ATP2B4: variants seen among roughly 807,000 people sequenced by gnomAD.
The protein encoded by ATP2B4 is plasma membrane calcium-transporting ATPase 4.
In ATP2B4, 39 loss-of-function variants were observed where a neutral mutation model predicts 110.3. The observed-to-expected ratio is 0.35, with a 90% confidence interval of 0.27 to 0.46. The LOEUF (loss-of-function observed/expected upper bound fraction) is 0.46, where lower values mean the gene tolerates loss of function less well. ATP2B4 is among the 20% of genes least tolerant of loss of function. ATP2B4 has a pLI of 1.00. For synonymous variants in ATP2B4, 538 were observed against 571.7 expected (o/e 0.94, Z 0.84); for missense variants, 1,135 against 1,530.9 (o/e 0.74, Z 4.32).
rs1225852333 is a variant in ATP2B4, at chr1:203,740,708, A to G, written c.*854A>G. The G allele has an allele frequency of 1.3e-5, 2 of 152,258 alleles. No individual in the cohort carries two copies. Among genetic ancestry groups the G allele is most frequent in the African/African-American group, 2.4e-5 (1 of 41,450 alleles). The allele number at this position is 152,258 out of a possible 1,614,324, so 9.4% of individuals were successfully genotyped here. On this transcript the variant is annotated 3_prime_UTR_variant, in exon 21 of 21. Coordinates refer to ENST00000357681, the MANE Select transcript of ATP2B4 (RefSeq NM_001684.5). ...AGTGCCAGGGAGATCAGCCTTGCCC[A>G]TGAAGGTTGCATATGTGTGGTATAC...
intron 1 of ATP2B4, among the ~76,000 whole-genome samples, chr1:203,630,226 G>A (rs985464545): frequency 6.6e-6 from 1 of 152,126 alleles, no homozygotes; most frequent in Admixed American, 6.5e-5. Flanking sequence ...CCACTAACCG[G>A]AGGTCCCGAG....
At position 203,674,298 on chromosome 1, in the gene ATP2B4, C is replaced by G. The variant is rs538447779; in HGVS notation, c.-464-8444C>G. 1.4e-4 allele frequency among the ~76,000 whole-genome samples: 22 copies of G among 152,250 alleles called. No individual in the cohort carries two copies. In the East Asian group the frequency reaches 4.1e-3, roughly 28 times the overall value. On this transcript the variant is annotated intron_variant, in intron 1 of 20. Transcript: ENST00000357681. ...CAACTGAAGGAAATGGTGAGCGCTG[C>G]TGTTTCATCCTCTACATTTTTTTGA...
chr1:203,646,699 G>A (rs544964291), intron 1 of ATP2B4, among the ~76,000 whole-genome samples: 1 of 152,072 alleles, frequency 6.6e-6, no homozygotes, highest in East Asian at 1.9e-4. Flanking sequence ...GGAGGCGGAG[G>A]TTACAGTGAG....
intron 4 of ATP2B4, 24 bp from the exon 5 acceptor site, chr1:203,700,182 C>G (rs1191229055): frequency 1.2e-6 from 2 of 1,605,890 alleles, no homozygotes; most frequent in Non-Finnish European, 1.7e-6. Flanking sequence ...CCTTCACTGT[C>G]CCTCCTTCCC....
intron 1 of ATP2B4, among the ~76,000 whole-genome samples, chr1:203,631,480 G>T (rs1189681357): frequency 6.6e-6 from 1 of 152,172 alleles, no homozygotes; most frequent in Non-Finnish European, 1.5e-5. Context: ...GAAGGTCAGG[G>T]ACTCTCAGCT....
At chr1:203,695,048 G>C (rs888455966) in intron 2 of ATP2B4, among the ~76,000 whole-genome samples, 18 of 152,136 alleles carry the variant, frequency 1.2e-4, no homozygotes, top group African/African-American at 4.1e-4. Context: ...GGGAGGGAGG[G>C]TTTCATTAGG....
chr1:203,698,501 T>A, intron 3 of ATP2B4, 147 bp downstream of exon 3: 1 of 806,838 alleles, frequency 1.2e-6, no homozygotes, highest in Non-Finnish European at 1.9e-6. Flanking sequence ...AACCAAGCAG[T>A]AGCTACTAAG....
chr1:203,707,803 C>A, intron 9 of ATP2B4, 59 bp from the exon 10 acceptor site: 3 of 1,593,966 alleles, frequency 1.9e-6, no homozygotes, highest in Middle Eastern at 4.0e-4. Context: ...GGCCTTTGAC[C>A]TAGATTTAGG....
chr1:203,703,539 G>C, intron 7 of ATP2B4, 113 bp from the exon 8 acceptor site: 1 of 1,257,942 alleles, frequency 7.9e-7, no homozygotes. Context: ...CTGATGTCAG[G>C]GTCCAAGGTA....
At chr1:203,650,642 C>T (rs896556598) in intron 1 of ATP2B4, among the ~76,000 whole-genome samples, 5 of 152,120 alleles carry the variant, frequency 3.3e-5, no homozygotes, top group Non-Finnish European at 5.9e-5. Flanking sequence ...TCGGCCGGCC[C>T]GGGGCGAGGG....
chr1:203,736,172 G>C (rs1274542353), intron 20 of ATP2B4, among the ~76,000 whole-genome samples: 2 of 152,172 alleles, frequency 1.3e-5, no homozygotes, highest in Admixed American at 6.5e-5. Flanking sequence ...TTTCTGAAAA[G>C]AGCAGAAAAC....
chr1:203,712,436 C>CA (rs1666039542), intron 13 of ATP2B4, among the ~76,000 whole-genome samples: 1 of 151,916 alleles, frequency 6.6e-6, no homozygotes, highest in Non-Finnish European at 1.5e-5. Flanking sequence ...ACCAAAAATA[C>CA]AAAAATTAGC....
chr1:203,729,485 C>T (rs976242380), intron 20 of ATP2B4: 7 of 369,672 alleles, frequency 1.9e-5, no homozygotes, highest in Non-Finnish European at 2.6e-5. Flanking sequence ...GCTGAGGTTG[C>T]AGTGAGCTGA....
rs778690170 is a variant in ATP2B4 at position 203,710,965 on chromosome 1, A to T, written c.1888A>T (p.Met630Leu). Reference protein sequence around the residue: ...DDMVRTVIEPMACDGLRTICI... With the variant: ...DDMVRTVIEPLACDGLRTICI... ...TATGGTACGCACTGTCATCGAGCCC[A>T]TGGCCTGTGATGGACTCCGGACTAT... Residue 630 changes from methionine to leucine, a missense_variant, in exon 12 of 21, where the codon ATG becomes TTG. Transcript: ENST00000357681. 6.2e-7 allele frequency: 1 copy of T among 1,614,136 alleles called. No individual in the cohort carries two copies. The highest frequency in any genetic ancestry group is 8.5e-7 in the Non-Finnish European group (1 of 1,180,008).
At chr1:203,678,924 C>T (rs944429084) in intron 1 of ATP2B4, among the ~76,000 whole-genome samples, 2 of 152,150 alleles carry the variant, frequency 1.3e-5, no homozygotes, top group Non-Finnish European at 2.9e-5. Context: ...AATGCTTTCA[C>T]ACGTCATCTA....
intron 14 of ATP2B4, among the ~76,000 whole-genome samples, chr1:203,713,528 A>C (rs1056389348): frequency 6.6e-6 from 1 of 151,888 alleles, no homozygotes; most frequent in African/African-American, 2.4e-5. Flanking sequence ...GGAGTGGTGC[A>C]ATCTCAGCTC....
chr1:203,703,160 C>T (rs1665742747), intron 7 of ATP2B4, among the ~76,000 whole-genome samples: 1 of 130,990 alleles, frequency 7.6e-6, no homozygotes, highest in Non-Finnish European at 1.6e-5. Context: ...TCTTCCCTGA[C>T]AATCGAGAGA....
At chr1:203,680,060 CAAAAAAA>C (rs71145014) in intron 1 of ATP2B4, among the ~76,000 whole-genome samples, 2 of 120,654 alleles carry the variant, frequency 1.7e-5, no homozygotes, top group South Asian at 2.7e-4. Context: ...GACTCTTTCT[CAAAAAAA>C]AAAAAAAAAA....
intron 1 of ATP2B4, among the ~76,000 whole-genome samples, chr1:203,680,929 A>G (rs1427000034): frequency 6.6e-6 from 1 of 152,214 alleles, no homozygotes; most frequent in African/African-American, 2.4e-5. Flanking sequence ...TCCTCTTGAA[A>G]GGTTAAGGAG....
Sources: allele counts gnomAD v4.1 joint callset (sites outside exome capture counted in the v4.1 genomes callset), GRCh38; gene constraint gnomAD v4.1.1; transcripts MANE v1.5; gene names NCBI Gene and HGNC (gene_info 2026-07-23, HGNC 2026-07-21).